The following IQCE variants were observed in gnomAD, a reference collection of about 807,000 sequenced individuals.
The protein encoded by IQCE is IQ motif containing E.
Under a neutral mutation model 96.0 loss-of-function variants are expected in IQCE, and 115 were observed. That is an observed-to-expected ratio of 1.20 (90% CI 1.03 to 1.40). The LOEUF is 1.40. IQCE is among the 40% of genes most tolerant of loss of function. The pLI is 0.00. For missense variants in IQCE, 1,041 were observed against 909.1 expected, an observed-to-expected ratio of 1.15 and a Z score of -1.87; for synonymous variants, 412 against 371.2, an observed-to-expected ratio of 1.11 and a Z score of -1.26.
intron 16 of IQCE, among the ~76,000 whole-genome samples, chr7:2,596,272 A>G (rs1490032533): frequency 6.6e-6 from 1 of 151,966 alleles, no homozygotes; most frequent in East Asian, 1.9e-4. Flanking sequence ...TAAAAAAAGA[A>G]AAGAAAGAGA....
At chr7:2,579,145 T>C (rs1001611259) in intron 8 of IQCE, among the ~76,000 whole-genome samples, 23 of 151,632 alleles carry the variant, frequency 1.5e-4, no homozygotes, top group Non-Finnish European at 7.4e-5. Context: ...TGTGACAATA[T>C]GTAAGAAGTT....
intron 1 of IQCE, among the ~76,000 whole-genome samples, chr7:2,564,148 G>C (rs1031119451): frequency 2.0e-5 from 3 of 152,040 alleles, no homozygotes; most frequent in African/African-American, 7.2e-5. Context: ...GGAGGCGGAG[G>C]TTGTGGTGAG....
Position 2,569,111 on chromosome 7 carries a change from C to T in IQCE, c.130+112C>T, listed in dbSNP as rs1044778876. 2.0e-5 allele frequency: 20 copies of T among 976,928 alleles called. No individual in the cohort carries two copies. The South Asian group carries it at 2.4e-4, about 12-fold the overall frequency. 60.5% of individuals were successfully genotyped at this position (976,928 alleles called of 1,614,324 possible). On this transcript the variant is annotated intron_variant, in intron 3 of 21. Transcript: ENST00000402050. ...AGGTAGCTGAGACCTGACGCCTCAG[C>T]CAGTTGGCCCCATTCCCACTGGGGT...
At chr7:2,573,940 G>A (rs933137513) in intron 6 of IQCE, among the ~76,000 whole-genome samples, 4 of 152,162 alleles carry the variant, frequency 2.6e-5, no homozygotes, top group Non-Finnish European at 5.9e-5. Flanking sequence ...ACCACAGTCT[G>A]CTGATGAACT....
chr7:2,603,933 C>G (rs1784611154), intron 18 of IQCE, among the ~76,000 whole-genome samples: 1 of 150,944 alleles, frequency 6.6e-6, no homozygotes, highest in Non-Finnish European at 1.5e-5. Flanking sequence ...GCAGATCGTT[C>G]AAAAATAAGT....
intron 11 of IQCE, among the ~76,000 whole-genome samples, chr7:2,585,362 G>A (rs1397089698): frequency 6.6e-6 from 1 of 152,218 alleles, no homozygotes; most frequent in Non-Finnish European, 1.5e-5. Context: ...TCATCAGCTA[G>A]TCAATGTATA....
At chr7:2,582,161 C>G in intron 8 of IQCE, 2 of 434,816 alleles carry the variant, frequency 4.6e-6, no homozygotes, top group South Asian at 3.5e-5. Flanking sequence ...CTGTCTCCCA[C>G]CCTCACTCAC....
intron 19 of IQCE, 55 bp downstream of exon 19, chr7:2,605,046 C>A: frequency 8.1e-7 from 1 of 1,240,810 alleles, no homozygotes; most frequent in African/African-American, 1.5e-5. Context: ...GCTCGTCTCG[C>A]ACTCCATCCA....
intron 5 of IQCE, among the ~76,000 whole-genome samples, chr7:2,573,102 C>G (rs1397803093): frequency 6.6e-6 from 1 of 152,168 alleles, no homozygotes; most frequent in Non-Finnish European, 1.5e-5. Context: ...GTTTGTTTTG[C>G]TATTTAAATC....
At chr7:2,584,522 T>C in intron 11 of IQCE, 1 of 533,814 alleles carries the variant, frequency 1.9e-6, no homozygotes, top group Non-Finnish European at 3.4e-6. Context: ...GCCGCCCGTG[T>C]TCGTTATAGA....
intron 13 of IQCE, among the ~76,000 whole-genome samples, chr7:2,589,005 T>G (rs552902413): frequency 1.3e-4 from 20 of 152,270 alleles, no homozygotes; most frequent in Admixed American, 5.9e-4. Context: ...AGCATCTGTG[T>G]TGTTTGGCCA....
intron 1 of IQCE, among the ~76,000 whole-genome samples, chr7:2,563,383 G>GTGTGTGTA (rs1264247028): frequency 0.025 from 3,753 of 150,730 alleles, 180 homozygotes; most frequent in African/African-American, 0.085. Flanking sequence ...TGTTGTGTGT[G>GTGTGTGTA]TGTGTGTGTG....
chr7:2,578,167 G>A (rs1057069715), intron 6 of IQCE, 75 bp from the exon 7 acceptor site: 3 of 1,135,670 alleles, frequency 2.6e-6, no homozygotes, highest in African/African-American at 3.4e-5. Flanking sequence ...GTGCGTGGCT[G>A]TGTGCGCGGG....
At chr7:2,592,928 G>C (rs560099811) in intron 14 of IQCE, 94 bp from the exon 15 acceptor site, 10 of 1,374,086 alleles carry the variant, frequency 7.3e-6, no homozygotes, top group South Asian at 2.8e-5. Flanking sequence ...TCCTAAGGAA[G>C]GGCTGAGCAC....
intron 2 of IQCE, among the ~76,000 whole-genome samples, chr7:2,567,599 G>A (rs371653891): frequency 9.2e-5 from 14 of 152,262 alleles, no homozygotes; most frequent in South Asian, 8.3e-4. Context: ...AGTGGTGTCC[G>A]ATGGCCCAGT....
intron 11 of IQCE, 170 bp downstream of exon 11, chr7:2,584,455 G>T: frequency 2.8e-6 from 2 of 711,712 alleles, no homozygotes; most frequent in East Asian, 2.6e-5. Context: ...GTTTCCATTT[G>T]CAGTGTTCAC....
rs749788527 is a variant in IQCE, at chr7:2,582,638, A to ACGGCACCATCAGGTGGGCGCAGGG, written c.691_701+13dup. ...CTGGAACAGCAGTGCAAGGAGAAGG[A>ACGGCACCATCAGGTGGGCGCAGGG]CGGCACCATCAGGTGGGCGCAGGGC... On this transcript the variant is annotated inframe_insertion, in exon 9 of 22. Coordinates refer to ENST00000402050, the MANE Select transcript of IQCE (RefSeq NM_152558.5). The ACGGCACCATCAGGTGGGCGCAGGG allele has an allele frequency of 3.8e-5, 62 of 1,613,786 alleles. 1 individual carries two copies. In the African/African-American group the frequency reaches 4.4e-4, roughly 11 times the overall value.
At chr7:2,586,139 C>T in intron 11 of IQCE, 69 bp from the exon 12 acceptor site, 3 of 1,426,584 alleles carry the variant, frequency 2.1e-6, no homozygotes, top group East Asian at 4.7e-5. Flanking sequence ...ATTCACCTGT[C>T]CCTCGTTTCA....
chr7:2,590,347 T>A (rs1321611872), intron 14 of IQCE, among the ~76,000 whole-genome samples: 1 of 152,254 alleles, frequency 6.6e-6, no homozygotes, highest in Non-Finnish European at 1.5e-5. Context: ...AACTGATTGT[T>A]GCCGGGGTTA....
Sources: gnomAD v4.1 joint callset for allele counts (sites outside exome capture counted in the v4.1 genomes callset) on GRCh38, gnomAD v4.1.1 for gene constraint, MANE v1.5 for transcripts, NCBI Gene and HGNC (gene_info 2026-07-23, HGNC 2026-07-21) for gene names.